Variants in ZNF415 observed in about 807,000 individuals in gnomAD.
ZNF415 encodes the protein zinc finger protein 415.
In ZNF415, 5 loss-of-function variants were observed where a neutral mutation model predicts 7.3. The ratio of observed to expected loss-of-function variants is 0.69; its 90% CI spans 0.36 to 1.44. ZNF415 has a LOEUF of 1.44. Among genes scored for constraint, ZNF415 ranks in the 40% most tolerant of loss-of-function variants. ZNF415 has a pLI of 0.04. For missense variants in ZNF415, 628 were observed against 664.8 expected (o/e 0.94, Z 0.61); for synonymous variants, 207 against 226.3 (o/e 0.91, Z 0.77).
Position 53,115,906 on chromosome 19 carries a change from G to C in ZNF415, c.136+407C>G, listed in dbSNP as rs761833578. 6.8e-5 allele frequency: 68 copies of C among 995,184 alleles called. 3 individuals are homozygous for C. The South Asian group carries it at 9.4e-4, about 14-fold the overall frequency. The allele number at this position is 995,184 out of a possible 1,614,324, so 61.6% of individuals were successfully genotyped here. ...TCAGCCCTTTGCTTGGATAAGAAGAGAGGCTATCACAGATGGATCTAGGAA... is the reference window on the plus strand; with the variant it reads ...TCAGCCCTTTGCTTGGATAAGAAGACAGGCTATCACAGATGGATCTAGGAA... On this transcript the variant is annotated intron_variant, in intron 3 of 3. Coordinates refer to ENST00000243643, the MANE Select transcript of ZNF415 (RefSeq NM_018355.4).
At chr19:53,112,186 C>T (rs1050737857) in intron 3 of ZNF415, among the ~76,000 whole-genome samples, 10 of 152,050 alleles carry the variant, frequency 6.6e-5, no homozygotes, top group South Asian at 4.1e-4. Context: ...TCAAGTGATC[C>T]GCCCACCTCA....
intron 3 of ZNF415, among the ~76,000 whole-genome samples, chr19:53,111,991 G>C (rs2086299597): frequency 6.6e-6 from 1 of 151,948 alleles, no homozygotes; most frequent in African/African-American, 2.4e-5. Flanking sequence ...GCCCAGGCTG[G>C]GGTGCAGTGG....
intron 3 of ZNF415, among the ~76,000 whole-genome samples, chr19:53,110,776 G>A (rs573266080): frequency 2.6e-5 from 4 of 152,176 alleles, no homozygotes; most frequent in African/African-American, 9.7e-5. Flanking sequence ...GATGCATGAG[G>A]TCAGGTAAAC....
rs35443760 is a variant in ZNF415, at chr19:53,123,541, C to T, written c.-67-798G>A. ...CAGCGAGTTCCAGCAGAGGCACAGC[C>T]CACGTGAAGGCCTTGAGGCAGGAGC... On this transcript the variant is annotated intron_variant, in intron 1 of 3. Transcript: ENST00000243643. 0.071 allele frequency: 28,278 copies of T among 398,506 alleles called. 1,081 individuals carry two copies. Among genetic ancestry groups the T allele is most frequent in the South Asian group, 0.099 (778 of 7,834 alleles). The allele number at this position is 398,506 out of a possible 1,614,324, so 24.7% of individuals were successfully genotyped here.
intron 3 of ZNF415, among the ~76,000 whole-genome samples, chr19:53,111,108 G>A (rs1014584639): frequency 6.6e-6 from 1 of 152,136 alleles, no homozygotes; most frequent in African/African-American, 2.4e-5. Context: ...TGTTGCAGAT[G>A]GCGCGTTTGG....
At chr19:53,131,541 GGT>G (rs2090072928) in intron 1 of ZNF415, among the ~76,000 whole-genome samples, 1 of 152,004 alleles carries the variant, frequency 6.6e-6, no homozygotes, top group Admixed American at 6.6e-5. Flanking sequence ...TCCTCATTAT[GGT>G]GTGTTTCCCT....
chr19:53,131,974 C>T (rs2090134307), intron 1 of ZNF415, among the ~76,000 whole-genome samples: 1 of 152,018 alleles, frequency 6.6e-6, no homozygotes, highest in African/African-American at 2.4e-5. Flanking sequence ...GCTCCAAATC[C>T]CTTCTGCTCT....
At chr19:53,127,875 C>CAAAAAAAAAAAAA (rs35037197) in intron 1 of ZNF415, among the ~76,000 whole-genome samples, 1 of 126,330 alleles carries the variant, frequency 7.9e-6, no homozygotes, top group Non-Finnish European at 1.6e-5. Context: ...GACACCGTCT[C>CAAAAAAAAAAAAA]AAAAAAAAAA....
At chr19:53,123,428 A>T (rs772595061) in intron 1 of ZNF415, 3 of 395,770 alleles carry the variant, frequency 7.6e-6, no homozygotes, top group Non-Finnish European at 1.3e-5. Flanking sequence ...GTGAAATGGG[A>T]AGTGGGTCAC....
chr19:53,112,704 G>C (rs932659565), intron 3 of ZNF415, among the ~76,000 whole-genome samples: 1 of 152,198 alleles, frequency 6.6e-6, no homozygotes, highest in Non-Finnish European at 1.5e-5. Flanking sequence ...GAGAGGAAGG[G>C]CAAGAGCACA....
intron 1 of ZNF415, chr19:53,123,641 G>A (rs2088528120): frequency 2.0e-5 from 8 of 398,580 alleles, no homozygotes; most frequent in Non-Finnish European, 3.1e-5. Flanking sequence ...GGCAGGAGAT[G>A]AGGTCAGAGA....
At chr19:53,110,549 C>T (rs1330656651) in intron 3 of ZNF415, among the ~76,000 whole-genome samples, 1 of 152,024 alleles carries the variant, frequency 6.6e-6, no homozygotes. Context: ...AGTTATATTG[C>T]ATGAAACTTA....
chr19:53,128,651 C>A (rs151216199), intron 1 of ZNF415, among the ~76,000 whole-genome samples: 14,485 of 104,684 alleles, frequency 0.14, 144 homozygotes, highest in African/African-American at 0.25. Flanking sequence ...GGGGACGCCT[C>A]GGCACTGGCT....
rs752407258 is a variant in ZNF415 at position 53,109,170 on chromosome 19, C to G, written c.875G>C (p.Arg292Thr). ...SRNSCLALHR[R>T]VHTGEKPYKC... ...GTAAGGTTTCTCTCCAGTGTGAACT[C>G]TCCGATGTAGTGCAAGGCATGAGTT... The change falls in exon 4 of 4, where the codon AGA (arginine) becomes ACA (threonine). Residue 292 changes from arginine to threonine, a missense_variant. Physicochemically the swap from Arg to Thr is moderately conservative, Grantham distance 71. Coordinates refer to ENST00000243643, the MANE Select transcript of ZNF415 (RefSeq NM_018355.4). 3 of 1,613,974 alleles carry G rather than the reference C, an allele frequency of 1.9e-6. No homozygotes were observed. The highest frequency in any genetic ancestry group is 1.3e-5 in the African/African-American group (1 of 74,912).
intron 3 of ZNF415, chr19:53,115,810 CTCTGGT>C (rs2086932353): frequency 6.5e-7 from 1 of 1,549,252 alleles, no homozygotes; most frequent in East Asian, 2.4e-5. Flanking sequence ...TAGGATAATA[CTCTGGT>C]CAGGAAGAGA....
chr19:53,127,661 G>A (rs538774352), intron 1 of ZNF415, among the ~76,000 whole-genome samples: 3 of 152,094 alleles, frequency 2.0e-5, no homozygotes, highest in Non-Finnish European at 2.9e-5. Flanking sequence ...GGCAGATCAC[G>A]AAGTCAGGAG....
intron 2 of ZNF415, 82 bp downstream of exon 2, chr19:53,122,580 G>GCT: frequency 1.2e-6 from 2 of 1,608,608 alleles, no homozygotes; most frequent in Non-Finnish European, 1.7e-6. Flanking sequence ...CAGACTCAGA[G>GCT]AAGATTTGCA....
At chr19:53,113,376 G>A (rs1323881877) in intron 3 of ZNF415, among the ~76,000 whole-genome samples, 2 of 82,778 alleles carry the variant, frequency 2.4e-5, no homozygotes, top group Admixed American at 1.6e-4. Flanking sequence ...GCATGGTGGC[G>A]CACGCCTGTA....
chr19:53,118,283 C>G (rs922900729), intron 2 of ZNF415, among the ~76,000 whole-genome samples: 2 of 151,998 alleles, frequency 1.3e-5, no homozygotes, highest in African/African-American at 4.8e-5. Flanking sequence ...TATATGCACC[C>G]AACACTGGAG....
Sources: allele counts gnomAD v4.1 joint callset (sites outside exome capture counted in the v4.1 genomes callset), GRCh38; gene constraint gnomAD v4.1.1; transcripts MANE v1.5; gene names NCBI Gene and HGNC (gene_info 2026-07-23, HGNC 2026-07-21).